B3GALT1: variants seen among roughly 807,000 people sequenced by gnomAD.
The protein encoded by B3GALT1 is UDP-Gal:betaGlcNAc beta 1,3-galactosyltransferase, polypeptide 1.
Under a neutral mutation model 23.2 loss-of-function variants are expected in B3GALT1, and 10 were observed. The observed-to-expected ratio is 0.43, with a 90% CI of 0.27 to 0.73. The LOEUF (loss-of-function observed/expected upper bound fraction) is 0.73. Ranked by LOEUF, B3GALT1 falls within the 30% of genes least tolerant of loss-of-function variation. The pLI, the probability that B3GALT1 is intolerant of heterozygous loss-of-function variation, is 0.21. For missense variants in B3GALT1, 299 were observed against 405.4 expected (o/e 0.74, Z 2.25); for synonymous variants, 156 against 141.5 (o/e 1.10, Z -0.73).
At chr2:167,729,357 TG>T (rs1201441146) in intron 3 of B3GALT1, among the ~76,000 whole-genome samples, 1 of 152,226 alleles carries the variant, frequency 6.6e-6, no homozygotes, top group Non-Finnish European at 1.5e-5. Context: ...ATGCTTCCCC[TG>T]CCAAAGGGCA....
intron 1 of B3GALT1, among the ~76,000 whole-genome samples, chr2:167,397,427 A>C (rs1698116609): frequency 6.6e-6 from 1 of 152,080 alleles, no homozygotes; most frequent in South Asian, 2.1e-4. Flanking sequence ...GAAAAAGTGA[A>C]AGGAGAATCT....
chr2:167,435,780 C>A (rs766016476), intron 1 of B3GALT1, among the ~76,000 whole-genome samples: 1 of 152,014 alleles, frequency 6.6e-6, no homozygotes, highest in Non-Finnish European at 1.5e-5. Flanking sequence ...TGTTTCTATT[C>A]TAGTTTTTAG....
chr2:167,774,457 T>A (rs1688122889), intron 3 of B3GALT1, among the ~76,000 whole-genome samples: 1 of 151,660 alleles, frequency 6.6e-6, no homozygotes, highest in African/African-American at 2.4e-5. Flanking sequence ...TTCTGTAGTT[T>A]TTCTGTGTTT....
At chr2:167,716,080 C>G in intron 3 of B3GALT1, 1 of 1,556,632 alleles carries the variant, frequency 6.4e-7, no homozygotes, top group South Asian at 1.1e-5. Flanking sequence ...CCAAGCTGCT[C>G]TGGCGGTCAC....
At chr2:167,380,204 AGCTCAG>A (rs1478547866) in intron 1 of B3GALT1, among the ~76,000 whole-genome samples, 2 of 152,158 alleles carry the variant, frequency 1.3e-5, no homozygotes. Context: ...AGGATGGATC[AGCTCAG>A]GCTGCTGGTC....
At chr2:167,636,701 T>C (rs1279308834) in intron 2 of B3GALT1, among the ~76,000 whole-genome samples, 3 of 152,198 alleles carry the variant, frequency 2.0e-5, no homozygotes, top group East Asian at 3.9e-4. Flanking sequence ...TGGATGAAGC[T>C]GGAAACCATC....
At chr2:167,339,324 CTT>C (rs1697112024) in intron 1 of B3GALT1, among the ~76,000 whole-genome samples, 1 of 150,118 alleles carries the variant, frequency 6.7e-6, no homozygotes, top group African/African-American at 2.5e-5. Context: ...TATGACACAA[CTT>C]ATATATAGTT....
At chr2:167,328,966 C>G (rs753327210) in intron 1 of B3GALT1, among the ~76,000 whole-genome samples, 2 of 152,120 alleles carry the variant, frequency 1.3e-5, no homozygotes, top group Non-Finnish European at 2.9e-5. Context: ...GGGCGCACCA[C>G]CACGCCTGGC....
In B3GALT1 at chr2:167,512,557, T is replaced by C; in HGVS notation, c.-410+22280T>C. On this transcript the variant is annotated intron_variant, in intron 2 of 4. Coordinates refer to ENST00000392690, the MANE Select transcript of B3GALT1 (RefSeq NM_020981.4). ...GTGTATATATATATGTATATATATG[T>C]ATATATATATGTATATATATATGTA... 3.8e-3 allele frequency among the ~76,000 whole-genome samples: 345 copies of C among 91,960 alleles called. 5 individuals are homozygous for C. The highest frequency in any genetic ancestry group is 0.02 in the African/African-American group (331 of 16,210). 60.3% of individuals were successfully genotyped at this position (91,960 alleles called of 152,430 possible). A position where few individuals can be genotyped will look rare whatever the true frequency, so the allele number is the denominator to read the frequency against.
At chr2:167,301,938 A>G (rs1373864179) in intron 1 of B3GALT1, among the ~76,000 whole-genome samples, 1 of 152,206 alleles carries the variant, frequency 6.6e-6, no homozygotes, top group Admixed American at 6.5e-5. Context: ...AACAACAGAC[A>G]TCCACAGGGT....
At chr2:167,799,932 G>T (rs1409060028) in intron 3 of B3GALT1, among the ~76,000 whole-genome samples, 2 of 151,432 alleles carry the variant, frequency 1.3e-5, no homozygotes, top group Non-Finnish European at 2.9e-5. Context: ...TTCAATAAAA[G>T]TTCTATTAAT....
At chr2:167,833,442 T>C (rs1689391778) in intron 4 of B3GALT1, among the ~76,000 whole-genome samples, 1 of 152,190 alleles carries the variant, frequency 6.6e-6, no homozygotes, top group Non-Finnish European at 1.5e-5. Context: ...AGTGGGTATC[T>C]CAGGGAAATT....
intron 2 of B3GALT1, among the ~76,000 whole-genome samples, chr2:167,523,332 A>G (rs1683142758): frequency 6.6e-6 from 1 of 152,146 alleles, no homozygotes; most frequent in Non-Finnish European, 1.5e-5. Flanking sequence ...AAGGGTATGT[A>G]ATGAAAAGTC....
At position 167,348,167 on chromosome 2, in the gene B3GALT1, T is replaced by C. The variant is rs1216589427; in HGVS notation, c.-511+54833T>C. Among the ~76,000 whole-genome samples, 4 of 152,178 alleles carry C rather than the reference T, an allele frequency of 2.6e-5. No homozygotes were observed. The South Asian group carries it at 8.3e-4, about 31-fold the overall frequency. The stretch of plus-strand genomic sequence containing the variant: ...GCACATAACACATATTCAGTAAAGG[T>C]TAACCCTTAAAATATTATTATTAAA... On this transcript the variant is annotated intron_variant, in intron 1 of 4. Coordinates refer to ENST00000392690, the MANE Select transcript of B3GALT1 (RefSeq NM_020981.4).
At chr2:167,563,978 G>A (rs1684089694) in intron 2 of B3GALT1, among the ~76,000 whole-genome samples, 1 of 143,500 alleles carries the variant, frequency 7.0e-6, no homozygotes, top group African/African-American at 2.6e-5. Context: ...CCTTCCGGAC[G>A]GGGCAGCCGG....
At chr2:167,620,936 A>G (rs1257030495) in intron 2 of B3GALT1, among the ~76,000 whole-genome samples, 6 of 152,152 alleles carry the variant, frequency 3.9e-5, no homozygotes, top group African/African-American at 1.4e-4. Flanking sequence ...ATCATCATCC[A>G]GAGAGCCTCA....
At chr2:167,750,268 A>G (rs1687714850) in intron 3 of B3GALT1, among the ~76,000 whole-genome samples, 1 of 152,214 alleles carries the variant, frequency 6.6e-6, no homozygotes, top group Non-Finnish European at 1.5e-5. Context: ...TGCTAATTGT[A>G]TTTCCAATCC....
intron 3 of B3GALT1, among the ~76,000 whole-genome samples, chr2:167,668,929 G>C (rs1417322525): frequency 6.6e-6 from 1 of 152,190 alleles, no homozygotes; most frequent in African/African-American, 2.4e-5. Flanking sequence ...CACGCTGGGA[G>C]CTATAGACTG....
chr2:167,497,643 A>G (rs1699798953), intron 2 of B3GALT1, among the ~76,000 whole-genome samples: 1 of 152,080 alleles, frequency 6.6e-6, no homozygotes, highest in South Asian at 2.1e-4. Flanking sequence ...AGATTGGAGA[A>G]GTCAGCAAAA....
Sources: gnomAD v4.1 joint callset for allele counts (sites outside exome capture counted in the v4.1 genomes callset) on GRCh38, gnomAD v4.1.1 for gene constraint, MANE v1.5 for transcripts, NCBI Gene and HGNC (gene_info 2026-07-23, HGNC 2026-07-21) for gene names.